LHFPL3: variants seen among roughly 807,000 people sequenced by gnomAD.
LHFPL3 encodes LHFPL tetraspan subfamily member 3, also known as LHFPL tetraspan subfamily member 3 protein.
A neutral mutation model predicts 19.3 loss-of-function variants in LHFPL3; 5 were observed. The observed-to-expected ratio is 0.26, with a 90% CI of 0.14 to 0.54. The LOEUF (loss-of-function observed/expected upper bound fraction) is 0.54. Among genes scored for constraint, LHFPL3 ranks in the 20% least tolerant of loss-of-function variants. The pLI, the probability that LHFPL3 is intolerant of heterozygous loss-of-function variation, is 0.94. For missense variants in LHFPL3, 249 were observed against 307.4 expected, an observed-to-expected ratio of 0.81 and a Z score of 1.42; for synonymous variants, 133 against 126.2, an observed-to-expected ratio of 1.05 and a Z score of -0.36.
intron 2 of LHFPL3, among the ~76,000 whole-genome samples, chr7:104,747,244 G>A (rs1374919927): frequency 7.9e-5 from 12 of 152,198 alleles, no homozygotes; most frequent in Admixed American, 7.9e-4. Context: ...TTCCCCTGAT[G>A]GAAATGTGAC....
At chr7:104,900,402 G>T (rs1792459322) in intron 2 of LHFPL3, among the ~76,000 whole-genome samples, 1 of 152,196 alleles carries the variant, frequency 6.6e-6, no homozygotes. Flanking sequence ...AGAAAGTGTT[G>T]TGCCTTGTGT....
chr7:104,454,158 G>T (rs1792497288), intron 1 of LHFPL3, among the ~76,000 whole-genome samples: 1 of 152,132 alleles, frequency 6.6e-6, no homozygotes, highest in Non-Finnish European at 1.5e-5. Flanking sequence ...TGGAGATTGG[G>T]GAGAGATGAA....
chr7:104,856,118 C>T (rs1453036273), intron 2 of LHFPL3, among the ~76,000 whole-genome samples: 2 of 152,048 alleles, frequency 1.3e-5, no homozygotes, highest in East Asian at 3.8e-4. Context: ...TCAGTAACCC[C>T]GGGAGTTTCT....
At chr7:104,660,289 C>T (rs1228267145) in intron 1 of LHFPL3, among the ~76,000 whole-genome samples, 3 of 152,240 alleles carry the variant, frequency 2.0e-5, no homozygotes, top group African/African-American at 7.2e-5. Context: ...GCGTGAGCCA[C>T]CACGCCCAGT....
At chr7:104,420,233 AG>A (rs1177344164) in intron 1 of LHFPL3, among the ~76,000 whole-genome samples, 3 of 152,226 alleles carry the variant, frequency 2.0e-5, no homozygotes, top group Non-Finnish European at 4.4e-5. Flanking sequence ...AGAGAACCAG[AG>A]GGCCACACTA....
rs559561210 is a variant in LHFPL3, at chr7:104,587,693, A to G, written c.446-148982A>G. The stretch of plus-strand genomic sequence containing the variant: ...AGTTCTAGATCCCTGAGGAATCGCC[A>G]CACTGACTTCCACAATGGTTGAACT... On this transcript the variant is annotated intron_variant, in intron 1 of 2. Coordinates refer to ENST00000424859, the MANE Select transcript of LHFPL3 (RefSeq NM_199000.3). Among the ~76,000 whole-genome samples, 241 of 152,124 alleles carry G rather than the reference A, an allele frequency of 1.6e-3. 2 individuals carry two copies. Among genetic ancestry groups the G allele is most frequent in the African/African-American group, 5.0e-3 (208 of 41,498 alleles).
intron 1 of LHFPL3, among the ~76,000 whole-genome samples, chr7:104,545,455 C>T (rs991450541): frequency 2.0e-5 from 3 of 152,170 alleles, no homozygotes; most frequent in African/African-American, 7.2e-5. Context: ...AGATTTTCTG[C>T]ATCTTTGCCC....
intron 1 of LHFPL3, among the ~76,000 whole-genome samples, chr7:104,682,660 T>A (rs1792728241): frequency 6.6e-6 from 1 of 152,050 alleles, no homozygotes; most frequent in Admixed American, 6.5e-5. Flanking sequence ...GAAAAACAAG[T>A]TTTTTGGATA....
At chr7:104,512,273 T>TTTTCCCTTGGCAATA (rs1793832576) in intron 1 of LHFPL3, among the ~76,000 whole-genome samples, 3 of 152,002 alleles carry the variant, frequency 2.0e-5, no homozygotes, top group Non-Finnish European at 4.4e-5. Flanking sequence ...GATTTCTTTA[T>TTTTCCCTTGGCAATA]AGAGTATTTT....
At chr7:104,480,901 C>T (rs1394422825) in intron 1 of LHFPL3, among the ~76,000 whole-genome samples, 1 of 152,108 alleles carries the variant, frequency 6.6e-6, no homozygotes, top group Non-Finnish European at 1.5e-5. Flanking sequence ...ATGTATTTAG[C>T]GAACAGTGAG....
intron 1 of LHFPL3, among the ~76,000 whole-genome samples, chr7:104,656,130 A>C (rs1792116323): frequency 6.6e-6 from 1 of 151,794 alleles, no homozygotes; most frequent in Admixed American, 6.6e-5. Flanking sequence ...TTTTTAAAAA[A>C]TTTTTATTCA....
At chr7:104,732,811 C>G (rs952824646) in intron 1 of LHFPL3, among the ~76,000 whole-genome samples, 23 of 151,956 alleles carry the variant, frequency 1.5e-4, no homozygotes, top group African/African-American at 2.4e-5. Context: ...TTTTAATTGT[C>G]ATGTTAGGAT....
At chr7:104,342,527 GA>G (rs1789978286) in intron 1 of LHFPL3, among the ~76,000 whole-genome samples, 1 of 152,064 alleles carries the variant, frequency 6.6e-6, no homozygotes, top group African/African-American at 2.4e-5. Context: ...GGAAAGGAAT[GA>G]GTTCCTTTTA....
At chr7:104,443,932 T>G (rs1240572747) in intron 1 of LHFPL3, among the ~76,000 whole-genome samples, 1 of 152,252 alleles carries the variant, frequency 6.6e-6, no homozygotes, top group Non-Finnish European at 1.5e-5. Context: ...TCTAGCACCT[T>G]ACTGGACTTA....
At chr7:104,446,075 T>C (rs1303321974) in intron 1 of LHFPL3, among the ~76,000 whole-genome samples, 1 of 152,176 alleles carries the variant, frequency 6.6e-6, no homozygotes, top group Non-Finnish European at 1.5e-5. Flanking sequence ...ATTTATTTGA[T>C]AAAATGCCTT....
chr7:104,778,676 C>T (rs1487905259), intron 2 of LHFPL3, among the ~76,000 whole-genome samples: 1 of 152,230 alleles, frequency 6.6e-6, no homozygotes, highest in Non-Finnish European at 1.5e-5. Context: ...TCATCTACCA[C>T]TTCTCCGCCC....
intron 2 of LHFPL3, among the ~76,000 whole-genome samples, chr7:104,897,351 C>G (rs141363308): frequency 3.3e-4 from 50 of 152,276 alleles, no homozygotes; most frequent in African/African-American, 1.1e-3. Context: ...CTTCTGGACT[C>G]TGCAGTCCGC....
intron 1 of LHFPL3, among the ~76,000 whole-genome samples, chr7:104,581,410 GT>G (rs1554409910): frequency 6.6e-6 from 1 of 151,936 alleles, no homozygotes; most frequent in Non-Finnish European, 1.5e-5. Flanking sequence ...ACAAGTTTTT[GT>G]TAGATATATG....
intron 1 of LHFPL3, among the ~76,000 whole-genome samples, chr7:104,347,016 T>G (rs1790080642): frequency 6.9e-6 from 1 of 143,924 alleles, no homozygotes; most frequent in Non-Finnish European, 1.5e-5. Flanking sequence ...TTGGACCAGT[T>G]CCTTAGCCTA....
Sources: gnomAD v4.1 joint callset for allele counts (sites outside exome capture counted in the v4.1 genomes callset) on GRCh38, gnomAD v4.1.1 for gene constraint, MANE v1.5 for transcripts, NCBI Gene and HGNC (gene_info 2026-07-23, HGNC 2026-07-21) for gene names.